The following PITPNA variants were observed in gnomAD, a reference collection of about 807,000 sequenced individuals.
The protein encoded by PITPNA is phosphatidylinositol transfer protein alpha.
In PITPNA, 13 loss-of-function variants were observed where a neutral mutation model predicts 50.3. The ratio of observed to expected loss-of-function variants is 0.26; its 90% confidence interval spans 0.17 to 0.41. The LOEUF (loss-of-function observed/expected upper bound fraction) is 0.41, where lower values mean the gene tolerates loss of function less well. Among genes scored for constraint, PITPNA ranks in the 10% least tolerant of loss-of-function variants. The pLI is 1.00. For synonymous variants in PITPNA, 120 were observed against 119.6 expected (o/e 1.00, Z -0.02); for missense variants, 207 against 333.4 (o/e 0.62, Z 2.95).
At chr17:1,545,063 T>C (rs1352245415) in intron 4 of PITPNA, among the ~76,000 whole-genome samples, 1 of 151,172 alleles carries the variant, frequency 6.6e-6, no homozygotes, top group African/African-American at 2.5e-5. Flanking sequence ...CCGAGGACTA[T>C]AGTTCCAGGA....
chr17:1,548,477 T>C, intron 3 of PITPNA, 90 bp from the exon 4 acceptor site: 1 of 897,172 alleles, frequency 1.1e-6, no homozygotes, highest in Non-Finnish European at 1.7e-6. Flanking sequence ...CATGGGGAGC[T>C]GACAAGCAAG....
chr17:1,522,376 A>G (rs984588240), intron 10 of PITPNA, among the ~76,000 whole-genome samples: 3 of 149,386 alleles, frequency 2.0e-5, no homozygotes, highest in African/African-American at 7.4e-5. Flanking sequence ...TGGCCGAAAC[A>G]TCTTTTTTTG....
At chr17:1,555,857 C>T (rs966534976) in intron 2 of PITPNA, among the ~76,000 whole-genome samples, 1 of 152,238 alleles carries the variant, frequency 6.6e-6, no homozygotes, top group African/African-American at 2.4e-5. Context: ...TCTCGCTCTG[C>T]TGCACAACGC....
chr17:1,532,674 T>C (rs1446683057), intron 10 of PITPNA, among the ~76,000 whole-genome samples: 3 of 152,218 alleles, frequency 2.0e-5, no homozygotes, highest in Admixed American at 2.0e-4. Flanking sequence ...TTTCCCTTTC[T>C]TTTTGTCAGG....
At chr17:1,527,180 T>C (rs2075552845) in intron 10 of PITPNA, among the ~76,000 whole-genome samples, 1 of 152,240 alleles carries the variant, frequency 6.6e-6, no homozygotes, top group East Asian at 1.9e-4. Flanking sequence ...AGGCTATACA[T>C]ACACATATAA....
intron 3 of PITPNA, among the ~76,000 whole-genome samples, chr17:1,551,669 T>G (rs894945573): frequency 6.6e-6 from 1 of 152,226 alleles, no homozygotes; most frequent in African/African-American, 2.4e-5. Context: ...GAGGAAACAA[T>G]TGGTCCCTTC....
At chr17:1,529,100 T>A (rs7359661) in intron 10 of PITPNA, among the ~76,000 whole-genome samples, 1 of 141,132 alleles carries the variant, frequency 7.1e-6, no homozygotes, top group Non-Finnish European at 1.5e-5. Flanking sequence ...ATTGCGCCAC[T>A]GCAGTCCAGC....
At position 1,518,851 on chromosome 17, in the gene PITPNA, C is replaced by G. The variant is rs1167228240; in HGVS notation, c.*1710G>C. ...TTTTTCTCCAGTAGGAATGCCTCTT[C>G]TCCAACTTTCCAAGTCAGATAAATG... is the stretch of plus-strand genomic sequence containing the variant. On this transcript the variant is annotated 3_prime_UTR_variant, in exon 12 of 12. Coordinates refer to ENST00000313486, the MANE Select transcript of PITPNA (RefSeq NM_006224.4). The G allele has an allele frequency of 6.6e-6, 1 of 152,252 alleles. No individual in the cohort carries two copies. The highest frequency in any genetic ancestry group is 2.4e-5 in the African/African-American group (1 of 41,460). The allele number at this position is 152,252 out of a possible 1,614,324, so 9.4% of individuals were successfully genotyped here.
At position 1,535,179 on chromosome 17, in the gene PITPNA, T is replaced by G. The variant is rs779825971; in HGVS notation, c.645+3A>C. 6.3e-6 allele frequency: 10 copies of G among 1,592,192 alleles called. No homozygotes were observed. Among genetic ancestry groups the G allele is most frequent in the Non-Finnish European group, 6.9e-6 (8 of 1,160,522 alleles). On this transcript the variant is annotated splice_donor_region_variant and intron_variant, in intron 9 of 11. Transcript: ENST00000313486. ...CTGGGAAGGCCTCAGCCGAGCTACTTACCTTATGGATGAAGTTCTCCACTT... is the reference window on the plus strand; with the variant it reads ...CTGGGAAGGCCTCAGCCGAGCTACTGACCTTATGGATGAAGTTCTCCACTT...
rs2075497011 is a variant in PITPNA, at chr17:1,519,688, A to C, written c.*873T>G. ...TTGCTGAGTGGCAGCACCAGCCCCAAAGGGAAGAGGAGGAGCAGGGACTTA... is the reference window on the plus strand; with the variant it reads ...TTGCTGAGTGGCAGCACCAGCCCCACAGGGAAGAGGAGGAGCAGGGACTTA... On this transcript the variant is annotated 3_prime_UTR_variant, in exon 12 of 12. Transcript: ENST00000313486. 6.5e-6 allele frequency: 1 copy of C among 152,676 alleles called. No homozygotes were observed. 9.5% of individuals were successfully genotyped at this position (152,676 alleles called of 1,614,324 possible).
chr17:1,537,270 G>A (rs1323791311), intron 7 of PITPNA, among the ~76,000 whole-genome samples: 1 of 151,992 alleles, frequency 6.6e-6, no homozygotes, highest in Non-Finnish European at 1.5e-5. Flanking sequence ...TCACCATGTT[G>A]GCCAGGATGG....
At chr17:1,551,934 C>A (rs1431433461) in intron 3 of PITPNA, among the ~76,000 whole-genome samples, 2 of 151,362 alleles carry the variant, frequency 1.3e-5, no homozygotes, top group Non-Finnish European at 2.9e-5. Context: ...GACAGCGCTG[C>A]TCTCCTCGCA....
At chr17:1,553,715 T>A (rs1567586871) in intron 2 of PITPNA, among the ~76,000 whole-genome samples, 1 of 152,222 alleles carries the variant, frequency 6.6e-6, no homozygotes, top group Non-Finnish European at 1.5e-5. Flanking sequence ...AAATAGATCC[T>A]AAGACTTGAT....
chr17:1,552,044 G>C (rs2075712640), intron 3 of PITPNA, among the ~76,000 whole-genome samples: 1 of 152,342 alleles, frequency 6.6e-6, no homozygotes, highest in African/African-American at 2.4e-5. Flanking sequence ...CTGGCACTGA[G>C]GTCCTGGACC....
chr17:1,542,641 C>T (rs553620372), intron 5 of PITPNA, among the ~76,000 whole-genome samples: 3 of 152,282 alleles, frequency 2.0e-5, no homozygotes, highest in Admixed American at 6.5e-5. Flanking sequence ...GCTGACTTCA[C>T]GACTTTGCCA....
At chr17:1,526,858 G>A (rs2075551245) in intron 10 of PITPNA, among the ~76,000 whole-genome samples, 1 of 152,134 alleles carries the variant, frequency 6.6e-6, no homozygotes, top group South Asian at 2.1e-4. Flanking sequence ...TCTGCCTCCC[G>A]GGTTCAAGTG....
chr17:1,524,809 G>A (rs1054069685), intron 10 of PITPNA, among the ~76,000 whole-genome samples: 36 of 151,134 alleles, frequency 2.4e-4, no homozygotes, highest in Non-Finnish European at 3.2e-4. Context: ...AGATGGCACC[G>A]CTGCACTCCA....
Position 1,562,438 on chromosome 17 carries a change from C to A in PITPNA, c.20+103G>T, listed in dbSNP as rs1022934646. On this transcript the variant is annotated intron_variant, in intron 1 of 11. Coordinates refer to ENST00000313486, the MANE Select transcript of PITPNA (RefSeq NM_006224.4). The surrounding 1 kb of genome is among the most constrained non-coding windows in gnomAD (Gnocchi z 6.4). ...CCTCAGGCACCCTCCGTCCCTGCTG[C>A]CCCTCCGTCCATCCGGGCCCTGCGT... 4.2e-5 allele frequency: 40 copies of A among 961,488 alleles called. No individual in the cohort carries two copies. The highest frequency in any genetic ancestry group is 4.6e-5 in the Non-Finnish European group (32 of 693,654). The allele number at this position is 961,488 out of a possible 1,614,324, so 59.6% of individuals were successfully genotyped here.
At chr17:1,540,695 T>C (rs1274595924) in intron 6 of PITPNA, among the ~76,000 whole-genome samples, 1 of 151,886 alleles carries the variant, frequency 6.6e-6, no homozygotes, top group Non-Finnish European at 1.5e-5. Flanking sequence ...TTCACGCCAT[T>C]CTCCTGCCTC....
Sources: allele counts gnomAD v4.1 joint callset (sites outside exome capture counted in the v4.1 genomes callset), GRCh38; gene constraint gnomAD v4.1.1; non-coding constraint Gnocchi (gnomAD v3.1); transcripts MANE v1.5; gene names NCBI Gene and HGNC (gene_info 2026-07-23, HGNC 2026-07-21).